The following TSPAN5 variants were observed in gnomAD, a reference collection of about 807,000 sequenced individuals.
TSPAN5 encodes tetraspanin 5, also known as tetraspanin-5.
In TSPAN5, 10 loss-of-function variants were observed where a neutral mutation model predicts 37.1. The observed-to-expected ratio is 0.27, with a 90% confidence interval of 0.17 to 0.46. TSPAN5 has a LOEUF of 0.46. Ranked by LOEUF, TSPAN5 falls within the 20% of genes least tolerant of loss-of-function variation. The pLI is 1.00. For synonymous variants in TSPAN5, 110 were observed against 118.9 expected (o/e 0.93, Z 0.48); for missense variants, 195 against 326.6 (o/e 0.60, Z 3.11).
chr4:98,634,169 C>A (rs935805366), intron 1 of TSPAN5, among the ~76,000 whole-genome samples: 1 of 152,166 alleles, frequency 6.6e-6, no homozygotes, highest in Non-Finnish European at 1.5e-5. Flanking sequence ...CTCTCCATTT[C>A]ACAAAGCACT....
At chr4:98,489,031 G>A (rs751148139) in intron 2 of TSPAN5, among the ~76,000 whole-genome samples, 9 of 152,148 alleles carry the variant, frequency 5.9e-5, no homozygotes, top group Admixed American at 6.5e-5. Flanking sequence ...CTCAGCCACC[G>A]GAAGAGAGAG....
chr4:98,546,581 G>A (rs905098932), intron 1 of TSPAN5, among the ~76,000 whole-genome samples: 11 of 152,284 alleles, frequency 7.2e-5, no homozygotes, highest in African/African-American at 2.4e-4. Flanking sequence ...TTCATGACAT[G>A]AAATATACTT....
intron 1 of TSPAN5, among the ~76,000 whole-genome samples, chr4:98,565,436 C>T (rs1449599045): frequency 2.5e-5 from 2 of 81,388 alleles, no homozygotes; most frequent in Admixed American, 2.8e-4. Flanking sequence ...ATTTTGGGGG[C>T]CTTAAAGAAC....
At chr4:98,478,457 G>A (rs547200324) in intron 5 of TSPAN5, among the ~76,000 whole-genome samples, 1 of 152,298 alleles carries the variant, frequency 6.6e-6, no homozygotes, top group Admixed American at 6.5e-5. Flanking sequence ...ACTTAAATGA[G>A]CCAACACACA....
chr4:98,511,829 T>C (rs754746356), intron 1 of TSPAN5, among the ~76,000 whole-genome samples: 1 of 152,212 alleles, frequency 6.6e-6, no homozygotes, highest in Non-Finnish European at 1.5e-5. Flanking sequence ...TATATTTTTA[T>C]AGAATAATGT....
At chr4:98,613,031 C>T (rs1206536043) in intron 1 of TSPAN5, among the ~76,000 whole-genome samples, 1 of 152,160 alleles carries the variant, frequency 6.6e-6, no homozygotes, top group African/African-American at 2.4e-5. Flanking sequence ...CAGACGTACA[C>T]ACCAAGAAGT....
At chr4:98,549,454 C>A (rs1019808341) in intron 1 of TSPAN5, among the ~76,000 whole-genome samples, 1 of 151,966 alleles carries the variant, frequency 6.6e-6, no homozygotes, top group Non-Finnish European at 1.5e-5. Context: ...AGGTGCCCTA[C>A]GCCCAGCTAG....
At chr4:98,537,390 C>A (rs956286173) in intron 1 of TSPAN5, among the ~76,000 whole-genome samples, 1 of 152,212 alleles carries the variant, frequency 6.6e-6, no homozygotes, top group African/African-American at 2.4e-5. Flanking sequence ...CACCCGCCTT[C>A]TGAGTCGATC....
chr4:98,518,830 G>A (rs1411818073), intron 1 of TSPAN5, among the ~76,000 whole-genome samples: 1 of 152,226 alleles, frequency 6.6e-6, no homozygotes, highest in African/African-American at 2.4e-5. Context: ...AACAAGCCCT[G>A]CAGGTAATTG....
Position 98,615,772 on chromosome 4 carries a change from G to A in TSPAN5, c.81+42374C>T, listed in dbSNP as rs568187979. 1.1e-3 allele frequency among the ~76,000 whole-genome samples: 170 copies of A among 152,278 alleles called. 10 individuals carry two copies. In the South Asian group the frequency reaches 0.035, roughly 31 times the overall value. ...CACACACATATTGATTCTTAGACTC[G>A]TCGGAATTTCAGACATGTTTAGTTA... On this transcript the variant is annotated intron_variant, in intron 1 of 7. Transcript: ENST00000305798.
At chr4:98,534,278 G>A (rs1754181043) in intron 1 of TSPAN5, among the ~76,000 whole-genome samples, 1 of 152,252 alleles carries the variant, frequency 6.6e-6, no homozygotes, top group South Asian at 2.1e-4. Context: ...TATGTACCCT[G>A]TAGTCATTCA....
chr4:98,602,380 T>G (rs1380279092), intron 1 of TSPAN5, among the ~76,000 whole-genome samples: 1 of 152,264 alleles, frequency 6.6e-6, no homozygotes, highest in Non-Finnish European at 1.5e-5. Flanking sequence ...GCAGCATGTC[T>G]GATACGATCA....
chr4:98,632,028 G>A (rs933398443), intron 1 of TSPAN5, among the ~76,000 whole-genome samples: 1 of 152,066 alleles, frequency 6.6e-6, no homozygotes, highest in African/African-American at 2.4e-5. Context: ...CTAAACACAC[G>A]ACTAAAACCA....
chr4:98,519,695 T>G (rs1753811276), intron 1 of TSPAN5, among the ~76,000 whole-genome samples: 1 of 152,178 alleles, frequency 6.6e-6, no homozygotes, highest in Admixed American at 6.5e-5. Context: ...AAATATCAGT[T>G]TTAGATTTCA....
At chr4:98,631,842 T>C (rs940665033) in intron 1 of TSPAN5, among the ~76,000 whole-genome samples, 3 of 152,226 alleles carry the variant, frequency 2.0e-5, no homozygotes, top group African/African-American at 4.8e-5. Flanking sequence ...ACTTTGTCTC[T>C]GGGGACTCGG....
chr4:98,615,092 C>T (rs957428106), intron 1 of TSPAN5, among the ~76,000 whole-genome samples: 1 of 152,180 alleles, frequency 6.6e-6, no homozygotes, highest in Middle Eastern at 3.2e-3. Flanking sequence ...TGCCTTGGAT[C>T]GGGAACCACG....
At chr4:98,547,121 C>G (rs534322446) in intron 1 of TSPAN5, among the ~76,000 whole-genome samples, 7 of 152,260 alleles carry the variant, frequency 4.6e-5, no homozygotes, top group Admixed American at 3.9e-4. Context: ...GCTGGCTCCC[C>G]CTCGCTCTTC....
intron 1 of TSPAN5, among the ~76,000 whole-genome samples, chr4:98,547,105 C>T (rs1754487835): frequency 6.6e-6 from 1 of 152,146 alleles, no homozygotes; most frequent in South Asian, 2.1e-4. Flanking sequence ...CTAAAAGAAA[C>T]ACCTCGCTGG....
chr4:98,554,081 T>TA (rs1553913550), intron 1 of TSPAN5, among the ~76,000 whole-genome samples: 1 of 150,416 alleles, frequency 6.6e-6, no homozygotes, highest in Non-Finnish European at 1.5e-5. Flanking sequence ...AAAAATAAAT[T>TA]AAAAAAAAAA....
Sources: gnomAD v4.1 joint callset for allele counts (sites outside exome capture counted in the v4.1 genomes callset) on GRCh38, gnomAD v4.1.1 for gene constraint, MANE v1.5 for transcripts, NCBI Gene and HGNC (gene_info 2026-07-23, HGNC 2026-07-21) for gene names.